The following C4orf51 variants were observed in gnomAD, a reference collection of about 807,000 sequenced individuals.
The protein encoded by C4orf51 is chromosome 4 open reading frame 51, also known as uncharacterized protein C4orf51.
In C4orf51, 25 loss-of-function variants were observed where a neutral mutation model predicts 25.2. The ratio of observed to expected loss-of-function variants is 0.99; its 90% CI spans 0.72 to 1.39. The LOEUF (loss-of-function observed/expected upper bound fraction) is 1.39. Among genes scored for constraint, C4orf51 ranks in the 40% most tolerant of loss-of-function variants. The pLI is 0.00. For synonymous variants in C4orf51, 100 were observed against 84.5 expected, an observed-to-expected ratio of 1.18 and a Z score of -1.01; for missense variants, 252 against 239.6, an observed-to-expected ratio of 1.05 and a Z score of -0.34.
chr4:145,723,625 G>A (rs886591657), intron 2 of C4orf51, among the ~76,000 whole-genome samples: 1 of 152,176 alleles, frequency 6.6e-6, no homozygotes, highest in African/African-American at 2.4e-5. Flanking sequence ...TTCCATCAGG[G>A]TTGGCACAAC....
chr4:145,690,937 C>T (rs1018386703), intron 1 of C4orf51, among the ~76,000 whole-genome samples: 3 of 151,620 alleles, frequency 2.0e-5, no homozygotes, highest in Non-Finnish European at 2.9e-5. Flanking sequence ...CCCCATCTCC[C>T]CGCTCCCACC....
intron 1 of C4orf51, among the ~76,000 whole-genome samples, chr4:145,749,073 A>ATT (rs1733537239): frequency 6.7e-6 from 1 of 148,548 alleles, no homozygotes; most frequent in Non-Finnish European, 1.5e-5. Flanking sequence ...GTGTATATAT[A>ATT]TATATATATA....
chr4:145,777,255 T>A, the C4orf51 span, among the ~76,000 whole-genome samples: 1 of 152,220 alleles, frequency 6.6e-6, no homozygotes, highest in African/African-American at 2.4e-5. Context: ...TGTGTTTGTA[T>A]GAATAAGTGA....
intron 1 of C4orf51, among the ~76,000 whole-genome samples, chr4:145,746,292 G>A (rs530342848): frequency 5.3e-5 from 8 of 152,164 alleles, no homozygotes; most frequent in African/African-American, 1.4e-4. Flanking sequence ...ATCTTTGCCC[G>A]CTCCAGTGTC....
chr4:145,723,964 A>T (rs1363756495), intron 2 of C4orf51, among the ~76,000 whole-genome samples: 1 of 152,204 alleles, frequency 6.6e-6, no homozygotes, highest in African/African-American at 2.4e-5. Context: ...AAAATGAGAG[A>T]CATTTCTAGT....
At chr4:145,775,136 C>T (rs1736860730), downstream of C4orf51, among the ~76,000 whole-genome samples, 3 of 152,260 alleles carry the variant, frequency 2.0e-5, no homozygotes, top group Admixed American at 2.0e-4. Context: ...TGTTGTATGG[C>T]ACTCCAAGCA....
intron 2 of C4orf51, among the ~76,000 whole-genome samples, chr4:145,706,158 G>T (rs1304519512): frequency 6.6e-6 from 1 of 151,890 alleles, no homozygotes; most frequent in African/African-American, 2.4e-5. Flanking sequence ...TTTTCTCTCC[G>T]GTCCTCAGTT....
chr4:145,768,802 T>TGAGTG (rs1735722961), intron 1 of C4orf51, among the ~76,000 whole-genome samples: 1 of 126,346 alleles, frequency 7.9e-6, no homozygotes, highest in South Asian at 2.8e-4. Context: ...GAGTTTGTGG[T>TGAGTG]GAGTGGAGAT....
Position 145,701,646 on chromosome 4 carries a change from G to A in C4orf51, c.307+5014G>A, listed in dbSNP as rs374404713. Among the ~76,000 whole-genome samples the A allele has an allele frequency of 1.3e-3, 193 of 151,530 alleles. No homozygotes were observed. In the Middle Eastern group the frequency reaches 0.02, roughly 16 times the overall value. On this transcript the variant is annotated intron_variant, in intron 2 of 5. Transcript: ENST00000438731. ...AACTCTCACAGTGGAAGGTAAGTCC[G>A]TCCCCTTCTTAATCAATACGGAGGC... is the stretch of plus-strand genomic sequence containing the variant.
chr4:145,756,380 G>A (rs968205167), downstream of C4orf51, among the ~76,000 whole-genome samples: 7 of 152,100 alleles, frequency 4.6e-5, no homozygotes, highest in Non-Finnish European at 8.8e-5. Context: ...TCAATCAAAG[G>A]CCTCATGACT....
chr4:145,728,037 A>T (rs980795087), intron 3 of C4orf51, among the ~76,000 whole-genome samples: 1 of 123,326 alleles, frequency 8.1e-6, no homozygotes, highest in South Asian at 2.3e-4. Context: ...TATTATATAT[A>T]ATATATATAT....
At chr4:145,692,953 G>GTTTTTGT (rs1729687676) in intron 1 of C4orf51, among the ~76,000 whole-genome samples, 1 of 100,970 alleles carries the variant, frequency 9.9e-6, no homozygotes, top group Non-Finnish European at 2.0e-5. Flanking sequence ...TAAGTTTTTA[G>GTTTTTGT]TTTTTTTTTT....
At chr4:145,697,882 G>A (rs1328119981) in intron 2 of C4orf51, among the ~76,000 whole-genome samples, 1 of 152,232 alleles carries the variant, frequency 6.6e-6, no homozygotes, top group African/African-American at 2.4e-5. Context: ...CAGTAGGATT[G>A]TTGGATCATA....
intron 2 of C4orf51, among the ~76,000 whole-genome samples, chr4:145,714,059 A>C (rs1731269538): frequency 6.6e-6 from 1 of 152,220 alleles, no homozygotes; most frequent in African/African-American, 2.4e-5. Context: ...CTGGGATTAC[A>C]GGCGTGATCT....
At chr4:145,734,411 G>A (rs151082869), downstream of C4orf51, among the ~76,000 whole-genome samples, 225 of 151,904 alleles carry the variant, frequency 1.5e-3, 1 homozygote, top group African/African-American at 5.3e-3. Context: ...CCTAATTTGG[G>A]GATGGGAGGG....
rs1735797270 is a variant in C4orf51, at chr4:145,768,909, ATAT to A, written n.167-2078_167-2076del. ...AAAAAAAATATATATATATATATAT[ATAT>A]ATATTAGGTATACAAAGTTTGGAAA... On this transcript the variant is annotated intron_variant and non_coding_transcript_variant, in intron 1 of 1. Coordinates refer to the C4orf51 transcript ENST00000510096. 1.7e-4 allele frequency among the ~76,000 whole-genome samples: 7 copies of A among 41,962 alleles called. 3 individuals carry two copies. Among genetic ancestry groups the A allele is most frequent in the Non-Finnish European group, 2.1e-4 (4 of 18,958 alleles). The allele number at this position is 41,962 out of a possible 152,430, so 27.5% of individuals were successfully genotyped here.
chr4:145,788,756 A>G, the C4orf51 span, among the ~76,000 whole-genome samples: 1 of 152,192 alleles, frequency 6.6e-6, no homozygotes, highest in Non-Finnish European at 1.5e-5. Flanking sequence ...CTTAATGATG[A>G]TGGTAAGATT....
downstream of C4orf51, among the ~76,000 whole-genome samples, chr4:145,755,945 TTC>T (rs1733916493): frequency 6.6e-6 from 1 of 152,224 alleles, no homozygotes. Flanking sequence ...CAGTTCTATA[TTC>T]TCTGTCTTCT....
chr4:145,776,865 C>T, the C4orf51 span, among the ~76,000 whole-genome samples: 1 of 152,204 alleles, frequency 6.6e-6, no homozygotes, highest in African/African-American at 2.4e-5. Context: ...TGGAAACCCT[C>T]TCATAAAACT....
Sources: gnomAD v4.1 joint callset for allele counts (sites outside exome capture counted in the v4.1 genomes callset) on GRCh38, gnomAD v4.1.1 for gene constraint, MANE v1.5 for transcripts, NCBI Gene and HGNC (gene_info 2026-07-23, HGNC 2026-07-21) for gene names.